MYO10: variants seen among roughly 807,000 people sequenced by gnomAD.
MYO10 encodes the protein unconventional myosin-X.
In MYO10, 133 loss-of-function variants were observed where a neutral mutation model predicts 257.3. The observed-to-expected ratio is 0.52, with a 90% CI of 0.45 to 0.60. The LOEUF is 0.60. Ranked by LOEUF, MYO10 falls within the 20% of genes least tolerant of loss-of-function variation. The pLI is 0.00. For synonymous variants in MYO10, 1,104 were observed against 1,028.6 expected, an observed-to-expected ratio of 1.07 and a Z score of -1.40; for missense variants, 2,399 against 2,635.7, an observed-to-expected ratio of 0.91 and a Z score of 1.97.
At chr5:16,870,583 G>T (rs1232248491) in intron 2 of MYO10, among the ~76,000 whole-genome samples, 1 of 148,072 alleles carries the variant, frequency 6.8e-6, no homozygotes, top group Non-Finnish European at 1.5e-5. Context: ...ATTCTAAGAG[G>T]TCACCTTTGG....
rs191212323 is a variant in MYO10 at position 16,860,170 on chromosome 5, G to T, written c.120+17439C>A. On this transcript the variant is annotated intron_variant, in intron 2 of 40. Coordinates refer to ENST00000513610, the MANE Select transcript of MYO10 (RefSeq NM_012334.3). ...AGACACAAAAAGAAAAGAGGGCAGG[G>T]CCATAAGAAAGGGGGAGAAAAATGA... 2.6e-3 allele frequency among the ~76,000 whole-genome samples: 402 copies of T among 152,248 alleles called. 2 individuals are homozygous for T. Among genetic ancestry groups the T allele is most frequent in the Non-Finnish European group, 2.8e-3 (189 of 68,020 alleles).
chr5:16,888,348 G>A (rs1024268486), intron 1 of MYO10, among the ~76,000 whole-genome samples: 1 of 152,084 alleles, frequency 6.6e-6, no homozygotes, highest in South Asian at 2.1e-4. Context: ...AGGCAAGATG[G>A]TGAGACTTCA....
rs114513660 is a variant in MYO10, at chr5:16,732,135, T to G, written c.1930-20890A>C. Among the ~76,000 whole-genome samples, 460 of 152,024 alleles carry G rather than the reference T, an allele frequency of 3.0e-3. 2 individuals carry two copies. Among genetic ancestry groups the G allele is most frequent in the African/African-American group, 9.6e-3 (397 of 41,434 alleles). The stretch of plus-strand genomic sequence containing the variant: ...GATCATATAAACTTAAAATTAGGGG[T>G]TTAATAATTCAACATATAAGAAAAT... On this transcript the variant is annotated intron_variant, in intron 19 of 40. Transcript: ENST00000513610.
intron 2 of MYO10, among the ~76,000 whole-genome samples, chr5:16,823,467 G>GGGTTTTTTTTTTTTTTT (rs1561003861): frequency 2.5e-4 from 1 of 3,986 alleles, no homozygotes; most frequent in African/African-American, 9.8e-4. Flanking sequence ...GGGGAGTGGG[G>GGGTTTTTTTTTTTTTTT]ATTTTTTTTT....
At chr5:16,769,710 T>C (rs1314265453) in intron 9 of MYO10, among the ~76,000 whole-genome samples, 1 of 152,098 alleles carries the variant, frequency 6.6e-6, no homozygotes, top group Non-Finnish European at 1.5e-5. Flanking sequence ...TAAAGAACTA[T>C]AGCATGCTCA....
chr5:16,737,830 A>C (rs1048693646), intron 19 of MYO10, among the ~76,000 whole-genome samples: 50 of 152,260 alleles, frequency 3.3e-4, no homozygotes, highest in African/African-American at 1.2e-3. Flanking sequence ...AACAACAAAG[A>C]ATAACCTGTC....
chr5:16,758,152 T>C lies in MYO10; in HGVS notation c.1814A>G (p.Lys605Arg), dbSNP rs1249070052. The change falls in exon 18 of 41, where the codon AAA becomes AGA. Residue 605 changes from lysine to arginine, a missense_variant. Around this residue, in one of 3 missense-constraint regions of MYO10, gnomAD observed 1,820 missense variants for 1,939.4 expected, o/e 0.94. Transcript: ENST00000513610. ...TGAGCTGACTGTAGGCCGCCGATGTTTGCTTCCACATTTCAAGGTATCCTG... is the reference window on the plus strand; with the variant it reads ...TGAGCTGACTGTAGGCCGCCGATGTCTGCTTCCACATTTCAAGGTATCCTG... ...NNQDTLKCGSKHRRPTVSSQF... is the reference protein window; with the variant it reads ...NNQDTLKCGSRHRRPTVSSQF... 2.5e-6 allele frequency: 4 copies of C among 1,613,486 alleles called. No individual in the cohort carries two copies. Among genetic ancestry groups the C allele is most frequent in the African/African-American group, 2.7e-5 (2 of 74,920 alleles).
intron 2 of MYO10, among the ~76,000 whole-genome samples, chr5:16,842,731 C>A (rs1229024987): frequency 6.6e-6 from 1 of 151,952 alleles, no homozygotes; most frequent in Non-Finnish European, 1.5e-5. Flanking sequence ...TTGACACCAG[C>A]CAAAGCAACT....
intron 14 of MYO10, 111 bp from the exon 15 acceptor site, chr5:16,762,748 G>A: frequency 1.4e-6 from 1 of 723,658 alleles, no homozygotes; most frequent in Non-Finnish European, 2.3e-6. Flanking sequence ...CAGATCATTT[G>A]AGGTCAGGAG....
intron 2 of MYO10, among the ~76,000 whole-genome samples, chr5:16,823,331 G>A (rs191689039): frequency 2.3e-4 from 33 of 146,210 alleles, no homozygotes; most frequent in Non-Finnish European, 4.4e-4. Context: ...GGTAATCCCA[G>A]CTAATCAAGA....
At chr5:16,929,961 C>T (rs2126807853) in intron 1 of MYO10, among the ~76,000 whole-genome samples, 1 of 152,272 alleles carries the variant, frequency 6.6e-6, no homozygotes, top group Non-Finnish European at 1.5e-5. Context: ...ATCTCCCCTT[C>T]CCGCCATAAA....
chr5:16,811,165 G>C (rs1276852480), intron 3 of MYO10, among the ~76,000 whole-genome samples: 3 of 151,738 alleles, frequency 2.0e-5, no homozygotes, highest in African/African-American at 4.8e-5. Flanking sequence ...ATGGTAAGTG[G>C]GGGGGGGATG....
intron 1 of MYO10, among the ~76,000 whole-genome samples, chr5:16,914,855 T>C (rs1745771698): frequency 6.6e-6 from 1 of 152,198 alleles, no homozygotes; most frequent in Non-Finnish European, 1.5e-5. Context: ...CCAAGAAACT[T>C]GGGATCCCAT....
intron 37 of MYO10, 74 bp from the exon 38 acceptor site, chr5:16,671,616 T>C: frequency 1.3e-6 from 2 of 1,562,404 alleles, no homozygotes; most frequent in Non-Finnish European, 1.8e-6. Context: ...GACCTGACTT[T>C]ACATGGTGTA....
Position 16,710,567 on chromosome 5 carries a change from C to T in MYO10, c.2169+341G>A, listed in dbSNP as rs1465717718. 3.2e-5 allele frequency: 9 copies of T among 279,020 alleles called. No homozygotes were observed. The East Asian group carries it at 6.5e-4, about 20-fold the overall frequency. 17.3% of individuals were successfully genotyped at this position (279,020 alleles called of 1,614,324 possible). A position where few individuals can be genotyped will look rare whatever the true frequency, so the allele number is the denominator to read the frequency against. ...GAAAGTTAGAAGGGTCTTGGGGTAT[C>T]GCTTTGTAGACACTGGGGGCTGCCT... On this transcript the variant is annotated intron_variant, in intron 21 of 40. Coordinates refer to ENST00000513610, the MANE Select transcript of MYO10 (RefSeq NM_012334.3).
At position 16,679,990 on chromosome 5, in the gene MYO10, G is replaced by T; in HGVS notation, c.4499C>A (p.Ala1500Asp). The T allele has an allele frequency of 1.9e-6, 3 of 1,613,912 alleles. No homozygotes were observed. The highest frequency in any genetic ancestry group is 2.5e-6 in the Non-Finnish European group (3 of 1,179,864). The change falls in exon 33 of 41, where the codon GCC (alanine) becomes GAC (aspartate). Residue 1500 changes from alanine (A) to aspartate (D), a missense_variant. This residue lies in a region of MYO10 where 1,820 missense variants were observed against 1,939.4 expected (regional missense o/e 0.94). Coordinates refer to ENST00000513610, the MANE Select transcript of MYO10 (RefSeq NM_012334.3). The stretch of plus-strand genomic sequence containing the variant: ...CTGCTGGGTGGGGGTGTCGATCGGG[G>T]CCTTGGTGTCAGTCACGTTTTGAAT... ...SAIQNVTDTK[A>D]PIDTPTQQLI...
At chr5:16,803,826 T>C (rs144507530) in intron 3 of MYO10, among the ~76,000 whole-genome samples, 55 of 152,310 alleles carry the variant, frequency 3.6e-4, no homozygotes, top group East Asian at 1.3e-3. Context: ...AACAGCCCAA[T>C]ATTACTTACT....
chr5:16,826,477 C>T (rs2560864), intron 2 of MYO10, among the ~76,000 whole-genome samples: 151,308 of 152,332 alleles, frequency 0.99, 75,146 homozygotes, highest in Middle Eastern at 1. Context: ...AAGAACAACA[C>T]AGAGCATTCT....
At chr5:16,827,274 GGGT>G (rs1743028551) in intron 2 of MYO10, among the ~76,000 whole-genome samples, 1 of 152,076 alleles carries the variant, frequency 6.6e-6, no homozygotes, top group African/African-American at 2.4e-5. Flanking sequence ...TATAGCCTAG[GGGT>G]TAACATTATC....
Sources: allele counts gnomAD v4.1 joint callset (sites outside exome capture counted in the v4.1 genomes callset), GRCh38; gene constraint gnomAD v4.1.1; regional missense constraint gnomAD v4.1.1; transcripts MANE v1.5; gene names NCBI Gene and HGNC (gene_info 2026-07-23, HGNC 2026-07-21).